TMEM140: variants seen among roughly 807,000 people sequenced by gnomAD.
TMEM140 encodes transmembrane protein 140.
For missense variants in TMEM140, 236 were observed against 228.5 expected (o/e 1.03, Z -0.21); for synonymous variants, 107 against 106.8 (o/e 1.00, Z -0.01).
At chr7:135,160,448 T>C (rs527878316) in intron 1 of TMEM140, among the ~76,000 whole-genome samples, 46 of 152,274 alleles carry the variant, frequency 3.0e-4, no homozygotes, top group African/African-American at 1.1e-3. Flanking sequence ...CATGGGGAAG[T>C]AGAGAAGAGT....
chr7:135,150,937 A>G (rs143712224), intron 1 of TMEM140, among the ~76,000 whole-genome samples: 1 of 152,298 alleles, frequency 6.6e-6, no homozygotes, highest in East Asian at 1.9e-4. Flanking sequence ...ACTTTTTGTA[A>G]TCTTTGTTCC....
chr7:135,156,673 T>TA (rs1367888140), intron 1 of TMEM140, among the ~76,000 whole-genome samples: 1 of 152,346 alleles, frequency 6.6e-6, no homozygotes, highest in Admixed American at 6.5e-5. Context: ...TGAGCTTCTT[T>TA]AAAATCAATA....
chr7:135,163,993 C>G (rs1459744077), intron 1 of TMEM140, among the ~76,000 whole-genome samples: 2 of 152,244 alleles, frequency 1.3e-5, no homozygotes, highest in Non-Finnish European at 2.9e-5. Context: ...GTGGTGAAAA[C>G]CAATAGCTTC....
Position 135,161,256 on chromosome 7 carries a change from G to A in TMEM140, c.-24-3162G>A, listed in dbSNP as rs184195017. On this transcript the variant is annotated intron_variant, in intron 1 of 1. Coordinates refer to ENST00000275767, the MANE Select transcript of TMEM140 (RefSeq NM_018295.5). The surrounding 1 kb of genome is among the most constrained non-coding windows in gnomAD (Gnocchi z 4.1). ...CTCCTGGCGTCTGGCAGGAGCTGCCGCAAGGTGGCTGATGCAATCTCCCCG... is the reference window on the plus strand; with the variant it reads ...CTCCTGGCGTCTGGCAGGAGCTGCCACAAGGTGGCTGATGCAATCTCCCCG... 4.2e-4 allele frequency among the ~76,000 whole-genome samples: 64 copies of A among 152,332 alleles called. No homozygotes were observed. The highest frequency in any genetic ancestry group is 1.5e-3 in the African/African-American group (62 of 41,562).
At position 135,165,466 on chromosome 7, in the gene TMEM140, T is replaced by C. The variant is rs1830072742; in HGVS notation, c.*467T>C. ...TCTCTGGGGACATGGTTAAGGAGCT[T>C]CCACTCAGCCCACCATAGTGAGTGG... On this transcript the variant is annotated 3_prime_UTR_variant, in exon 2 of 2. Coordinates refer to ENST00000275767, the MANE Select transcript of TMEM140 (RefSeq NM_018295.5). 5.8e-6 allele frequency: 1 copy of C among 171,978 alleles called. No homozygotes were observed. The highest frequency in any genetic ancestry group is 1.4e-5 in the Non-Finnish European group (1 of 71,094). The allele number at this position is 171,978 out of a possible 1,614,324, so 10.7% of individuals were successfully genotyped here. A position where few individuals can be genotyped will look rare whatever the true frequency, so the allele number is the denominator to read the frequency against.
At chr7:135,153,615 C>T (rs138238693) in intron 1 of TMEM140, among the ~76,000 whole-genome samples, 65 of 152,292 alleles carry the variant, frequency 4.3e-4, no homozygotes, top group African/African-American at 1.5e-3. Flanking sequence ...TGAAAAACCA[C>T]GCAATCCAGC....
intron 1 of TMEM140, among the ~76,000 whole-genome samples, chr7:135,159,223 A>G (rs1035695): frequency 0.48 from 72,771 of 152,094 alleles, 17,737 homozygotes; most frequent in South Asian, 0.65. Flanking sequence ...AAATGGATCC[A>G]CTTACTATTC....
intron 1 of TMEM140, among the ~76,000 whole-genome samples, chr7:135,158,426 G>A (rs1829848123): frequency 6.6e-6 from 1 of 152,276 alleles, no homozygotes; most frequent in East Asian, 1.9e-4. Flanking sequence ...GACCAGAGAG[G>A]GAGGAGCACC....
At chr7:135,152,159 T>C (rs1170596715) in intron 1 of TMEM140, among the ~76,000 whole-genome samples, 2 of 152,218 alleles carry the variant, frequency 1.3e-5, no homozygotes, top group Non-Finnish European at 2.9e-5. Flanking sequence ...ATTTTACAGA[T>C]GAAAAATCTA....
rs559385983 is a variant in TMEM140 at position 135,164,782 on chromosome 7, G to C, written c.341G>C (p.Arg114Pro). Residue 114 changes from arginine (R) to proline (P), a missense_variant, in exon 2 of 2, where the codon CGG becomes CCG. Arg to Pro is a moderately radical substitution (Grantham distance 103). Coordinates refer to ENST00000275767, the MANE Select transcript of TMEM140 (RefSeq NM_018295.5). ...TGCAACAGTGATGAGAGAGCGTGGCGGCTGGCAGTGGGCTTCCTGGCTGTG... is the reference window on the plus strand; with the variant it reads ...TGCAACAGTGATGAGAGAGCGTGGCCGCTGGCAGTGGGCTTCCTGGCTGTG... The part of the protein sequence containing the change: ...AQCNSDERAW[R>P]LAVGFLAVSS... 1 of 1,614,092 alleles carries C rather than the reference G, an allele frequency of 6.2e-7. No homozygotes were observed. The highest frequency in any genetic ancestry group is 1.7e-5 in the Admixed American group (1 of 60,012).
Position 135,151,204 on chromosome 7 carries a change from G to C in TMEM140, c.-25+2934G>C, listed in dbSNP as rs1829658227. Among the ~76,000 whole-genome samples the C allele has an allele frequency of 6.6e-6, 1 of 152,174 alleles. No homozygotes were observed. The highest frequency in any genetic ancestry group is 1.5e-5 in the Non-Finnish European group (1 of 68,032). ...TAAAAACTTGGTGGTTGGGATGGCT[G>C]TCCACAGAAAACACTGGTGAAATCC... On this transcript the variant is annotated intron_variant, in intron 1 of 1. Transcript: ENST00000275767. This position sits in a 1 kb window ranked among gnomAD's most constrained non-coding sequence, Gnocchi z 4.3.
chr7:135,164,606 G>C lies in TMEM140; in HGVS notation c.165G>C (p.Trp55Cys). 1 of 1,614,230 alleles carries C rather than the reference G, an allele frequency of 6.2e-7. No homozygotes were observed. Among genetic ancestry groups the C allele is most frequent in the African/African-American group, 1.3e-5 (1 of 75,072 alleles). ...LRIGFYNFCL[W>C]NEDTSTLQCH... ...TCGGCTTCTATAACTTCTGCCTGTG[G>C]AATGAGGACACCAGCACCCTACAGT... The change falls in exon 2 of 2, where the codon TGG (tryptophan) becomes TGC (cysteine). Residue 55 changes from tryptophan (W) to cysteine (C), a missense_variant. Physicochemically the swap from Trp to Cys is radical, Grantham distance 215 (BLOSUM62 -2). Transcript: ENST00000275767.
rs558103915 is a variant in TMEM140 at position 135,151,669 on chromosome 7, T to G, written c.-25+3399T>G. Reference sequence around the variant, plus strand: ...AGTTTGTGTCAGGCCCCAAGCCCTCTATATGTGAGTGAACTTCCTTCAGTC... The same window carrying G: ...AGTTTGTGTCAGGCCCCAAGCCCTCGATATGTGAGTGAACTTCCTTCAGTC... On this transcript the variant is annotated intron_variant, in intron 1 of 1. Transcript: ENST00000275767. The surrounding 1 kb of genome is among the most constrained non-coding windows in gnomAD (Gnocchi z 4.3). Among the ~76,000 whole-genome samples the G allele has an allele frequency of 2.0e-5, 3 of 152,324 alleles. No homozygotes were observed. Among genetic ancestry groups the G allele is most frequent in the African/African-American group, 7.2e-5 (3 of 41,560 alleles).
At chr7:135,158,298 G>A (rs1424064233) in intron 1 of TMEM140, among the ~76,000 whole-genome samples, 7 of 152,250 alleles carry the variant, frequency 4.6e-5, no homozygotes, top group Non-Finnish European at 8.8e-5. Flanking sequence ...GCATAGGACA[G>A]CCTGATTTCC....
chr7:135,153,706 G>A (rs1829719311), intron 1 of TMEM140, among the ~76,000 whole-genome samples: 1 of 152,136 alleles, frequency 6.6e-6, no homozygotes, highest in Non-Finnish European at 1.5e-5. Flanking sequence ...TGATCATAGT[G>A]TATTATCTTT....
At chr7:135,163,999 G>C (rs1585360822) in intron 1 of TMEM140, among the ~76,000 whole-genome samples, 2 of 152,354 alleles carry the variant, frequency 1.3e-5, no homozygotes, top group Non-Finnish European at 2.9e-5. Flanking sequence ...AAAACCAATA[G>C]CTTCCTCCAC....
intron 1 of TMEM140, among the ~76,000 whole-genome samples, chr7:135,153,415 CT>C (rs1195423049): frequency 4.2e-5 from 6 of 143,706 alleles, no homozygotes; most frequent in African/African-American, 1.6e-4. Context: ...GATCATGCCA[CT>C]GCACTCCAGC....
chr7:135,148,793 T>A (rs1829604392), intron 1 of TMEM140, among the ~76,000 whole-genome samples: 2 of 152,218 alleles, frequency 1.3e-5, no homozygotes, highest in African/African-American at 4.8e-5. Context: ...AAGAGATGTT[T>A]AGATCTTATG....
rs1202961984 is a variant in TMEM140 at position 135,151,139 on chromosome 7, C to A, written c.-25+2869C>A. Among the ~76,000 whole-genome samples the A allele has an allele frequency of 6.6e-6, 1 of 152,124 alleles. No homozygotes were observed. Among genetic ancestry groups the A allele is most frequent in the East Asian group, 1.9e-4 (1 of 5,196 alleles). On this transcript the variant is annotated intron_variant, in intron 1 of 1. Transcript: ENST00000275767. This position sits in a 1 kb window ranked among gnomAD's most constrained non-coding sequence, Gnocchi z 4.3. ...TTGTCTGATAAAGCTGTTTTATTTACATGGAATAATTAAGTAAATCAAAAC... is the reference window on the plus strand; with the variant it reads ...TTGTCTGATAAAGCTGTTTTATTTAAATGGAATAATTAAGTAAATCAAAAC...
Sources: allele counts gnomAD v4.1 joint callset (sites outside exome capture counted in the v4.1 genomes callset), GRCh38; gene constraint gnomAD v4.1.1; non-coding constraint Gnocchi (gnomAD v3.1); transcripts MANE v1.5; gene names NCBI Gene and HGNC (gene_info 2026-07-23, HGNC 2026-07-21).